Variants in LMBR1 observed in about 807,000 individuals in gnomAD.
LMBR1 encodes the protein limb region 1 protein homolog.
A neutral mutation model predicts 73.9 loss-of-function variants in LMBR1; 52 were observed. The ratio of observed to expected loss-of-function variants is 0.70; its 90% CI spans 0.56 to 0.89. LMBR1 has a LOEUF of 0.89. Among genes scored for constraint, LMBR1 ranks in the 40% least tolerant of loss-of-function variants. The pLI, the probability that LMBR1 is intolerant of heterozygous loss-of-function variation, is 0.00. For synonymous variants in LMBR1, 215 were observed against 209.4 expected (o/e 1.03, Z -0.23); for missense variants, 539 against 579.8 (o/e 0.93, Z 0.72).
chr7:156,850,495 G>A (rs563313789), intron 1 of LMBR1, among the ~76,000 whole-genome samples: 2 of 152,228 alleles, frequency 1.3e-5, no homozygotes, highest in African/African-American at 4.8e-5. Context: ...CTGTTTTTAT[G>A]TATTTGCCTA....
At chr7:156,791,018 C>G (rs895526154) in intron 5 of LMBR1, among the ~76,000 whole-genome samples, 3 of 152,136 alleles carry the variant, frequency 2.0e-5, no homozygotes, top group Non-Finnish European at 4.4e-5. Context: ...AACTAGTGCT[C>G]TCAATTGGGG....
intron 1 of LMBR1, among the ~76,000 whole-genome samples, chr7:156,877,457 C>A (rs1055606778): frequency 1.3e-5 from 2 of 152,162 alleles, no homozygotes; most frequent in African/African-American, 4.8e-5. Context: ...AAACAAACTA[C>A]AGACCAATAT....
chr7:156,874,151 G>C (rs928946866), intron 1 of LMBR1, among the ~76,000 whole-genome samples: 1 of 152,250 alleles, frequency 6.6e-6, no homozygotes, highest in African/African-American at 2.4e-5. Flanking sequence ...CCCCACCCGC[G>C]GGAAGGCAGC....
chr7:156,740,098 C>G (rs999750617), intron 9 of LMBR1, among the ~76,000 whole-genome samples: 2 of 151,654 alleles, frequency 1.3e-5, no homozygotes, highest in Non-Finnish European at 2.9e-5. Flanking sequence ...TTGAAAAATG[C>G]AACTGACAAA....
chr7:156,705,699 G>A (rs975542584), intron 15 of LMBR1, among the ~76,000 whole-genome samples: 1 of 152,148 alleles, frequency 6.6e-6, no homozygotes, highest in African/African-American at 2.4e-5. Context: ...TGTAAGAAAT[G>A]CTCAAAGTCC....
At chr7:156,889,416 T>C (rs1018122591) in intron 1 of LMBR1, among the ~76,000 whole-genome samples, 60 of 152,368 alleles carry the variant, frequency 3.9e-4, no homozygotes, top group African/African-American at 1.4e-3. Flanking sequence ...TAGCATTATG[T>C]AGCAAAATCA....
At chr7:156,834,111 T>A (rs1837188920) in intron 2 of LMBR1, among the ~76,000 whole-genome samples, 1 of 152,182 alleles carries the variant, frequency 6.6e-6, no homozygotes, top group Non-Finnish European at 1.5e-5. Context: ...TATACAATGT[T>A]AAGTGAAACT....
rs528516783 is a variant in LMBR1, at chr7:156,865,530, T to G, written c.66+27398A>C. On this transcript the variant is annotated intron_variant, in intron 1 of 16. Transcript: ENST00000353442. ...AAATTGATCTACATATTCAATATAATTGCTATCAAAATTCCAGTTCCTACT... is the reference window on the plus strand; with the variant it reads ...AAATTGATCTACATATTCAATATAAGTGCTATCAAAATTCCAGTTCCTACT... 6.6e-5 allele frequency among the ~76,000 whole-genome samples: 10 copies of G among 152,312 alleles called. No homozygotes were observed. The South Asian group carries it at 2.1e-3, about 32-fold the overall frequency.
At chr7:156,677,132 T>G (rs1804210280), downstream of LMBR1, 1 of 154,544 alleles carries the variant, frequency 6.5e-6, no homozygotes, top group Non-Finnish European at 1.4e-5. Context: ...ATCAAAAAAG[T>G]GCAAATTTTA....
chr7:156,785,496 A>AAG (rs1827909990), intron 5 of LMBR1, among the ~76,000 whole-genome samples: 1 of 152,220 alleles, frequency 6.6e-6, no homozygotes, highest in East Asian at 1.9e-4. Flanking sequence ...TGTATTCAGC[A>AAG]GTGGCTCGCA....
chr7:156,687,136 A>G (rs968073069), intron 16 of LMBR1, among the ~76,000 whole-genome samples: 2 of 152,226 alleles, frequency 1.3e-5, no homozygotes, highest in African/African-American at 4.8e-5. Flanking sequence ...TGCTGCTCAT[A>G]TCGTTTAAGT....
chr7:156,732,806 A>C (rs1817103630), intron 10 of LMBR1, among the ~76,000 whole-genome samples: 1 of 152,198 alleles, frequency 6.6e-6, no homozygotes. Flanking sequence ...AACTGTTTCC[A>C]AGTAACTTAA....
Position 156,818,332 on chromosome 7 carries a change from G to A in LMBR1, c.319+8273C>T, listed in dbSNP as rs1404054197. 7.2e-5 allele frequency among the ~76,000 whole-genome samples: 11 copies of A among 152,144 alleles called. No homozygotes were observed. The East Asian group carries it at 1.3e-3, about 19-fold the overall frequency. ...CACACAGTCCTTGCAGTGACTTGTCGGATTCATTGTGGTTATATTTTAACA... is the reference window on the plus strand; with the variant it reads ...CACACAGTCCTTGCAGTGACTTGTCAGATTCATTGTGGTTATATTTTAACA... On this transcript the variant is annotated intron_variant, in intron 4 of 16. Coordinates refer to ENST00000353442, the MANE Select transcript of LMBR1 (RefSeq NM_022458.4).
At chr7:156,707,381 T>C (rs760879220) in intron 15 of LMBR1, among the ~76,000 whole-genome samples, 1 of 152,166 alleles carries the variant, frequency 6.6e-6, no homozygotes, top group Non-Finnish European at 1.5e-5. Context: ...TCCTAAGTCA[T>C]TCTATGAGGC....
At chr7:156,760,596 C>G (rs1478537909) in intron 8 of LMBR1, among the ~76,000 whole-genome samples, 2 of 152,074 alleles carry the variant, frequency 1.3e-5, no homozygotes, top group Admixed American at 1.3e-4. Context: ...TAGGAAGAAA[C>G]TAAATGAATT....
chr7:156,744,294 A>T (rs895458872), intron 9 of LMBR1, among the ~76,000 whole-genome samples: 2 of 151,034 alleles, frequency 1.3e-5, no homozygotes, highest in Non-Finnish European at 2.9e-5. Flanking sequence ...CTTGATGTTG[A>T]TCTCTCTCTT....
chr7:156,722,091 A>C (rs920573013), intron 15 of LMBR1, among the ~76,000 whole-genome samples: 4 of 152,112 alleles, frequency 2.6e-5, no homozygotes, highest in Non-Finnish European at 5.9e-5. Context: ...AACTGTTGAA[A>C]TAATAGAGAA....
chr7:156,875,638 A>G (rs570850402), intron 1 of LMBR1, among the ~76,000 whole-genome samples: 93 of 152,354 alleles, frequency 6.1e-4, no homozygotes, highest in African/African-American at 1.4e-3. Context: ...CCTACAAGCT[A>G]GAAGGGACTG....
In LMBR1 at chr7:156,773,778, A is replaced by T. The variant is rs909024321; in HGVS notation, c.424-9983T>A. Among the ~76,000 whole-genome samples the T allele has an allele frequency of 2.6e-5, 4 of 152,302 alleles. 1 individual carries two copies. Among genetic ancestry groups the T allele is most frequent in the Non-Finnish European group, 2.9e-5 (2 of 68,026 alleles). On this transcript the variant is annotated intron_variant, in intron 5 of 16. Transcript: ENST00000353442. ...AAAAAAACCTAGGAAATACCATTCTAAACAGAGGCCCTGGCAAAGATTTCA... is the reference window on the plus strand; with the variant it reads ...AAAAAAACCTAGGAAATACCATTCTTAACAGAGGCCCTGGCAAAGATTTCA...
Sources: allele counts gnomAD v4.1 joint callset (sites outside exome capture counted in the v4.1 genomes callset), GRCh38; gene constraint gnomAD v4.1.1; transcripts MANE v1.5; gene names NCBI Gene and HGNC (gene_info 2026-07-23, HGNC 2026-07-21).